The following TMEM38B variants were observed in gnomAD, a reference collection of about 807,000 sequenced individuals.
TMEM38B encodes transmembrane protein 38B, also known as trimeric intracellular cation channel type B.
A neutral mutation model predicts 28.7 loss-of-function variants in TMEM38B; 24 were observed. The ratio of observed to expected loss-of-function variants is 0.84; its 90% confidence interval spans 0.61 to 1.18. TMEM38B has a LOEUF of 1.18. Ranked by LOEUF, TMEM38B falls within the 50% of genes most tolerant of loss-of-function variation. The pLI, the probability that TMEM38B is intolerant of heterozygous loss-of-function variation, is 0.00. For missense variants in TMEM38B, 380 were observed against 350.9 expected (o/e 1.08, Z -0.66); for synonymous variants, 131 against 127.7 (o/e 1.03, Z -0.17).
At chr9:105,704,279 C>T (rs982280861) in intron 1 of TMEM38B, among the ~76,000 whole-genome samples, 20 of 152,098 alleles carry the variant, frequency 1.3e-4, no homozygotes, top group African/African-American at 4.6e-4. Flanking sequence ...TGCCTATAAT[C>T]CCAGCTACTT....
rs530758729 is a variant in TMEM38B at position 105,722,490 on chromosome 9, G to T, written c.455-44G>T. The stretch of plus-strand genomic sequence containing the variant: ...TGGCTCCCTTTAAATATGTTTTACA[G>T]GAAAATTTGGCCAAATATTCTTGTT... On this transcript the variant is annotated intron_variant, in intron 3 of 5. Transcript: ENST00000374692. 6.8e-6 allele frequency: 10 copies of T among 1,475,700 alleles called. No individual in the cohort carries two copies. The East Asian group carries it at 2.3e-4, about 33-fold the overall frequency. The allele number at this position is 1,475,700 out of a possible 1,614,324, so 91.4% of individuals were successfully genotyped here.
intron 5 of TMEM38B, among the ~76,000 whole-genome samples, chr9:105,752,790 C>T (rs1232587300): frequency 6.6e-6 from 1 of 152,140 alleles, no homozygotes; most frequent in Non-Finnish European, 1.5e-5. Context: ...ATCTCTGCAG[C>T]AAGGGCATGG....
chr9:105,751,830 T>C (rs1169660529), intron 5 of TMEM38B, among the ~76,000 whole-genome samples: 1 of 152,150 alleles, frequency 6.6e-6, no homozygotes, highest in Non-Finnish European at 1.5e-5. Flanking sequence ...TGGCAGATCA[T>C]GGCCAGACTG....
chr9:105,746,529 A>C (rs1189975198), intron 4 of TMEM38B, among the ~76,000 whole-genome samples: 1 of 152,184 alleles, frequency 6.6e-6, no homozygotes. Flanking sequence ...GCAAACAAGG[A>C]CAATTTGACT....
At chr9:105,696,494 C>A (rs2133539767) in intron 1 of TMEM38B, among the ~76,000 whole-genome samples, 1 of 152,108 alleles carries the variant, frequency 6.6e-6, no homozygotes, top group East Asian at 1.9e-4. Flanking sequence ...GCCATGTTGG[C>A]CAGGCTTGAA....
At chr9:105,699,416 G>A (rs1010858566) in intron 1 of TMEM38B, among the ~76,000 whole-genome samples, 2 of 152,100 alleles carry the variant, frequency 1.3e-5, no homozygotes, top group Non-Finnish European at 1.5e-5. Context: ...CCTCTCAGAC[G>A]TGTTACTCCT....
At chr9:105,694,862 G>GT in intron 1 of TMEM38B, 90 bp downstream of exon 1, 1 of 447,244 alleles carries the variant, frequency 2.2e-6, no homozygotes, top group East Asian at 6.2e-5. Flanking sequence ...GGTCGGGTGG[G>GT]CGGCTGAGTG....
chr9:105,727,701 G>T (rs7855191), intron 4 of TMEM38B, among the ~76,000 whole-genome samples: 2,277 of 152,234 alleles, frequency 0.015, 63 homozygotes, highest in African/African-American at 0.052. Flanking sequence ...TTCATCTGTT[G>T]ATATGGTTTG....
At chr9:105,701,066 A>G (rs549981118) in intron 1 of TMEM38B, 3 of 152,120 alleles carry the variant, frequency 2.0e-5, no homozygotes, top group Admixed American at 6.5e-5. Flanking sequence ...ATTTCAGCCT[A>G]TTGTTCCCCC....
chr9:105,725,227 T>C (rs1836465339), intron 4 of TMEM38B, among the ~76,000 whole-genome samples: 1 of 152,034 alleles, frequency 6.6e-6, no homozygotes. Flanking sequence ...TATCACCTTC[T>C]AACATGTTAT....
chr9:105,767,194 T>G (rs1444026929), intron 5 of TMEM38B, among the ~76,000 whole-genome samples: 1 of 152,090 alleles, frequency 6.6e-6, no homozygotes, highest in Non-Finnish European at 1.5e-5. Context: ...CACTGTTTGT[T>G]GAAAAGACAG....
chr9:105,718,429 G>A (rs1460608191), intron 2 of TMEM38B, among the ~76,000 whole-genome samples: 1 of 151,984 alleles, frequency 6.6e-6, no homozygotes, highest in Admixed American at 6.6e-5. Flanking sequence ...AGTAGAGATG[G>A]GGTTTCTCCA....
chr9:105,750,449 C>T (rs1179073850), intron 5 of TMEM38B, among the ~76,000 whole-genome samples: 1 of 152,056 alleles, frequency 6.6e-6, no homozygotes, highest in Non-Finnish European at 1.5e-5. Flanking sequence ...CATGGTGAAA[C>T]CCCATCTCTA....
At chr9:105,739,403 A>G (rs1239340418) in intron 4 of TMEM38B, among the ~76,000 whole-genome samples, 2 of 150,718 alleles carry the variant, frequency 1.3e-5, no homozygotes, top group African/African-American at 4.9e-5. Context: ...AATTTTTTCC[A>G]TTTCTGCAAA....
intron 2 of TMEM38B, among the ~76,000 whole-genome samples, chr9:105,711,238 C>G (rs755717828): frequency 2.0e-5 from 3 of 150,188 alleles, no homozygotes; most frequent in Non-Finnish European, 4.4e-5. Flanking sequence ...GTCAGGAGTT[C>G]GAAACCAGCC....
At chr9:105,706,370 C>G (rs1160269996) in intron 2 of TMEM38B, among the ~76,000 whole-genome samples, 4 of 152,114 alleles carry the variant, frequency 2.6e-5, no homozygotes, top group Admixed American at 6.5e-5. Context: ...CAGCTTGTTG[C>G]GGGACGCAGA....
chr9:105,749,827 A>AT (rs1253637390), intron 5 of TMEM38B, among the ~76,000 whole-genome samples: 2 of 152,208 alleles, frequency 1.3e-5, no homozygotes, highest in Non-Finnish European at 2.9e-5. Flanking sequence ...AGCTGTGAAC[A>AT]TTCATGTAAA....
chr9:105,728,196 A>G (rs1263107655), intron 4 of TMEM38B, among the ~76,000 whole-genome samples: 1 of 151,860 alleles, frequency 6.6e-6, no homozygotes, highest in African/African-American at 2.4e-5. Context: ...GTACCTATCA[A>G]CTCGTCATTT....
At position 105,737,341 on chromosome 9, in the gene TMEM38B, G is replaced by T. The variant is rs552364618; in HGVS notation, c.543-10732G>T. Among the ~76,000 whole-genome samples the T allele has an allele frequency of 9.3e-3, 1,293 of 138,538 alleles. 18 individuals are homozygous for T. Among genetic ancestry groups the T allele is most frequent in the African/African-American group, 0.039 (1,220 of 31,216 alleles). 90.9% of individuals were successfully genotyped at this position (138,538 alleles called of 152,430 possible). On this transcript the variant is annotated intron_variant, in intron 4 of 5. Transcript: ENST00000374692. Reference sequence around the variant, plus strand: ...GTGCTCCAGAGGCCTGAGTCGCAGGGAGTAAGAGTCCCAGAGTCAAGAGTA... The same window carrying T: ...GTGCTCCAGAGGCCTGAGTCGCAGGTAGTAAGAGTCCCAGAGTCAAGAGTA...
Sources: gnomAD v4.1 joint callset for allele counts (sites outside exome capture counted in the v4.1 genomes callset) on GRCh38, gnomAD v4.1.1 for gene constraint, MANE v1.5 for transcripts, NCBI Gene and HGNC (gene_info 2026-07-23, HGNC 2026-07-21) for gene names.